Variants in CCDC170 observed in about 807,000 individuals in gnomAD.
The protein encoded by CCDC170 is coiled-coil domain containing 170, also known as coiled-coil domain-containing protein 170.
CCDC170 carries 69 observed loss-of-function variants against 72.6 expected under a neutral mutation model. The observed-to-expected ratio is 0.95, with a 90% CI of 0.78 to 1.16. The LOEUF is 1.16. CCDC170 is among the 50% of genes most tolerant of loss of function. CCDC170 has a pLI of 0.00. For missense variants in CCDC170, 852 were observed against 832.5 expected, an observed-to-expected ratio of 1.02 and a Z score of -0.29; for synonymous variants, 300 against 303.9, an observed-to-expected ratio of 0.99 and a Z score of 0.13.
intron 1 of CCDC170, 35 bp downstream of exon 1, chr6:151,494,220 G>T: frequency 6.7e-7 from 1 of 1,487,882 alleles, no homozygotes; most frequent in South Asian, 1.3e-5. Context: ...CGCGGGGGTG[G>T]CCCTGGGGAT....
At chr6:151,532,127 C>A (rs1047986540) in intron 1 of CCDC170, among the ~76,000 whole-genome samples, 60 of 151,582 alleles carry the variant, frequency 4.0e-4, no homozygotes, top group African/African-American at 1.5e-3. Context: ...AAATGATTTG[C>A]ATGTTTACAG....
At chr6:151,573,604 C>T (rs1583032806) in intron 6 of CCDC170, 113 bp downstream of exon 6, 2 of 1,018,644 alleles carry the variant, frequency 2.0e-6, no homozygotes, top group Non-Finnish European at 2.9e-6. Context: ...ATACCCGAGA[C>T]TGGGTAATTT....
chr6:151,592,866 C>T lies in CCDC170; in HGVS notation c.1294-241C>T, dbSNP rs6917734. ...AGAGTTAAGAAAAGTATATAATATT[C>T]GATTGAACATGAACATCAAGGGCTA... On this transcript the variant is annotated intron_variant, in intron 7 of 10. Coordinates refer to ENST00000239374, the MANE Select transcript of CCDC170 (RefSeq NM_025059.4). Among the ~76,000 whole-genome samples the T allele has an allele frequency of 3.0e-3, 463 of 152,246 alleles. 1 individual carries two copies. Among genetic ancestry groups the T allele is most frequent in the African/African-American group, 0.01 (422 of 41,534 alleles).
At chr6:151,521,529 C>T (rs1380509126) in intron 1 of CCDC170, among the ~76,000 whole-genome samples, 1 of 152,036 alleles carries the variant, frequency 6.6e-6, no homozygotes, top group African/African-American at 2.4e-5. Context: ...GGGTCACATT[C>T]CTAGGAGGTT....
intron 5 of CCDC170, among the ~76,000 whole-genome samples, chr6:151,564,873 G>A (rs1211845254): frequency 3.3e-5 from 5 of 152,216 alleles, no homozygotes; most frequent in African/African-American, 1.2e-4. Context: ...TGATGTGCAA[G>A]GGTGGGGTGA....
chr6:151,535,873 G>A (rs1782567999), intron 1 of CCDC170, among the ~76,000 whole-genome samples: 1 of 151,990 alleles, frequency 6.6e-6, no homozygotes, highest in African/African-American at 2.4e-5. Context: ...AGCCTCTCAA[G>A]TAGATAGGAC....
At chr6:151,580,868 G>A (rs1776370057) in intron 6 of CCDC170, among the ~76,000 whole-genome samples, 1 of 152,098 alleles carries the variant, frequency 6.6e-6, no homozygotes, top group Non-Finnish European at 1.5e-5. Flanking sequence ...AATAAAGTGA[G>A]TCACACAATT....
chr6:151,592,978 G>A (rs3757318), intron 7 of CCDC170, 129 bp from the exon 8 acceptor site: 72,592 of 963,046 alleles, frequency 0.075, 3,572 homozygotes, highest in East Asian at 0.24. Context: ...GTCAGAGTCC[G>A]TGCTCCGTTC....
intron 6 of CCDC170, 34 bp downstream of exon 6, chr6:151,573,525 A>G (rs1206156918): frequency 6.3e-7 from 1 of 1,579,882 alleles, no homozygotes; most frequent in South Asian, 1.2e-5. Context: ...AGACATCTTA[A>G]GAACAGTGAG....
chr6:151,494,227 G>A, intron 1 of CCDC170, 42 bp downstream of exon 1: 2 of 1,476,880 alleles, frequency 1.4e-6, no homozygotes, highest in Non-Finnish European at 8.9e-7. Context: ...GTGGCCCTGG[G>A]GATAGACGAC....
intron 1 of CCDC170, among the ~76,000 whole-genome samples, chr6:151,497,600 A>G (rs1156605678): frequency 1.3e-5 from 2 of 152,196 alleles, no homozygotes; most frequent in Admixed American, 6.5e-5. Context: ...CATGAAGGAA[A>G]GAGATATGCT....
At chr6:151,616,358 G>A (rs536305811) in intron 10 of CCDC170, among the ~76,000 whole-genome samples, 3 of 152,098 alleles carry the variant, frequency 2.0e-5, no homozygotes, top group African/African-American at 7.2e-5. Flanking sequence ...AGGAGGTCAG[G>A]CGTAAAGAAA....
chr6:151,554,909 C>T (rs35183457), intron 5 of CCDC170, among the ~76,000 whole-genome samples: 17,883 of 124,310 alleles, frequency 0.14, 1,626 homozygotes, highest in East Asian at 0.45. Context: ...GACAGAGTCT[C>T]GCTCTATTGC....
chr6:151,549,134 T>C (rs1671553655), intron 5 of CCDC170, among the ~76,000 whole-genome samples: 1 of 152,084 alleles, frequency 6.6e-6, no homozygotes, highest in South Asian at 2.1e-4. Flanking sequence ...CTCAATCTCC[T>C]GACCTCGTGA....
intron 1 of CCDC170, among the ~76,000 whole-genome samples, chr6:151,498,866 A>G (rs1368770816): frequency 6.9e-6 from 1 of 145,392 alleles, no homozygotes; most frequent in Non-Finnish European, 1.6e-5. Flanking sequence ...TATAAGTGGA[A>G]TCATACTGTA....
chr6:151,522,070 G>T (rs912477738), intron 1 of CCDC170, among the ~76,000 whole-genome samples: 5 of 151,548 alleles, frequency 3.3e-5, no homozygotes, highest in Admixed American at 2.0e-4. Flanking sequence ...TGAGGCAGGA[G>T]AATCGCCTGA....
At chr6:151,524,214 G>A (rs1465009446) in intron 1 of CCDC170, among the ~76,000 whole-genome samples, 1 of 152,186 alleles carries the variant, frequency 6.6e-6, no homozygotes, top group East Asian at 1.9e-4. Context: ...TCCATTGCAG[G>A]CATGTCTGGG....
chr6:151,514,395 GGA>G (rs1782204591), intron 1 of CCDC170, among the ~76,000 whole-genome samples: 1 of 144,798 alleles, frequency 6.9e-6, no homozygotes, highest in African/African-American at 2.7e-5. Context: ...AAGGAAGGAA[GGA>G]AGGGAGGGAA....
At chr6:151,616,937 A>G (rs900292219) in intron 10 of CCDC170, among the ~76,000 whole-genome samples, 4 of 152,202 alleles carry the variant, frequency 2.6e-5, no homozygotes, top group Non-Finnish European at 4.4e-5. Flanking sequence ...ATAGCTTCAC[A>G]TTGGTCATTA....
Sources: gnomAD v4.1 joint callset for allele counts (sites outside exome capture counted in the v4.1 genomes callset) on GRCh38, gnomAD v4.1.1 for gene constraint, MANE v1.5 for transcripts, NCBI Gene and HGNC (gene_info 2026-07-23, HGNC 2026-07-21) for gene names.